Variants in PNPLA2 observed in about 807,000 individuals in gnomAD.
PNPLA2 encodes the protein patatin like domain 2, triacylglycerol lipase.
PNPLA2 carries 28 observed loss-of-function variants against 39.7 expected under a neutral mutation model. The observed-to-expected ratio is 0.70, with a 90% CI of 0.52 to 0.97. The LOEUF (loss-of-function observed/expected upper bound fraction) is 0.97, where lower values mean the gene tolerates loss of function less well. Among genes scored for constraint, PNPLA2 ranks in the 50% least tolerant of loss-of-function variants. The probability of loss-of-function intolerance (pLI) is 0.00; values close to 1 mark genes in which losing one functional copy is unlikely to be tolerated. For synonymous variants in PNPLA2, 392 were observed against 321.1 expected (o/e 1.22, Z -2.36); for missense variants, 768 against 698.2 (o/e 1.10, Z -1.13).
At position 822,604 on chromosome 11, in the gene PNPLA2, C is replaced by A. The variant is rs767324916; in HGVS notation, c.694C>A (p.Leu232Met). ...LSKALFPPEP[L>M]VLREMCKQGY... ...CAAGGCCCTCTTCCCGCCGGAGCCC[C>A]TGGTGAGCTCTGCTCCGAGGACTGT... The change falls in exon 5 of 10, where the codon CTG (leucine) becomes ATG (methionine). Residue 232 changes from leucine (L) to methionine (M), a missense_variant and splice_region_variant. Leu to Met is a conservative substitution (Grantham distance 15). Transcript: ENST00000336615. 4 of 1,612,322 alleles carry A rather than the reference C, an allele frequency of 2.5e-6. No homozygotes were observed. The highest frequency in any genetic ancestry group is 1.3e-5 in the African/African-American group (1 of 74,906).
chr11:819,601 C>A lies in PNPLA2; in HGVS notation c.-118C>A, dbSNP rs769594766. On this transcript the variant is annotated 5_prime_UTR_variant, in exon 2 of 10. Transcript: ENST00000336615. Reference sequence around the variant, plus strand: ...TCTTCGCCTCCGCCAGCGGGGACCCCGAGCTAGAGCCGCAGCGGGACCTGC... The same window carrying A: ...TCTTCGCCTCCGCCAGCGGGGACCCAGAGCTAGAGCCGCAGCGGGACCTGC... The A allele has an allele frequency of 3.4e-5, 44 of 1,279,544 alleles. No homozygotes were observed. The highest frequency in any genetic ancestry group is 9.9e-5 in the South Asian group (5 of 50,408). 79.3% of individuals were successfully genotyped at this position (1,279,544 alleles called of 1,614,324 possible).
rs764477915 is a variant in PNPLA2 at position 823,756 on chromosome 11, G to A, written c.820G>A (p.Asp274Asn). The A allele has an allele frequency of 2.5e-6, 4 of 1,608,836 alleles. No homozygotes were observed. The South Asian group carries it at 4.4e-5, about 18-fold the overall frequency. ...CCCCGCCCGCCCCCACGGCCCAGAG[G>A]ACAAGGACCAGGCAGTGGAGAGCGC... ...LPPARPHGPE[D>N]KDQAVESAQA... Residue 274 changes from aspartate to asparagine, a missense_variant, in exon 7 of 10, where the codon GAC (aspartate) becomes AAC (asparagine). By Grantham distance (23) the Asp-to-Asn change is conservative (BLOSUM62 1). Transcript: ENST00000336615.
chr11:822,584 C>T lies in PNPLA2; in HGVS notation c.674C>T (p.Ala225Val). Reference protein sequence around the residue: ...NLRNLYRLSKALFPPEPLVLR... With the variant: ...NLRNLYRLSKVLFPPEPLVLR... ...CGCAACCTCTACCGCCTCTCCAAGGCCCTCTTCCCGCCGGAGCCCCTGGTG... is the reference window on the plus strand; with the variant it reads ...CGCAACCTCTACCGCCTCTCCAAGGTCCTCTTCCCGCCGGAGCCCCTGGTG... The change falls in exon 5 of 10, where the codon GCC (alanine) becomes GTC (valine). Residue 225 changes from alanine to valine, a missense_variant. Ala to Val is a moderately conservative substitution (Grantham distance 64, BLOSUM62 0). Coordinates refer to ENST00000336615, the MANE Select transcript of PNPLA2 (RefSeq NM_020376.4). 6.2e-7 allele frequency: 1 copy of T among 1,613,742 alleles called. No individual in the cohort carries two copies. Among genetic ancestry groups the T allele is most frequent in the Non-Finnish European group, 8.5e-7 (1 of 1,179,942 alleles).
rs1305293273 is a variant in PNPLA2, at chr11:825,457, C to T, written c.*595C>T. 1.3e-5 allele frequency: 2 copies of T among 151,030 alleles called. No homozygotes were observed. Among genetic ancestry groups the T allele is most frequent in the African/African-American group, 4.9e-5 (2 of 41,038 alleles). 9.4% of individuals were successfully genotyped at this position (151,030 alleles called of 1,614,324 possible). On this transcript the variant is annotated 3_prime_UTR_variant, in exon 10 of 10. Coordinates refer to ENST00000336615, the MANE Select transcript of PNPLA2 (RefSeq NM_020376.4). ...CCCCCTGTCTAGGATGCATCCACAC[C>T]CCCCCCAATTTTGCCCAGCAGCCTC... is the stretch of plus-strand genomic sequence containing the variant.
intron 2 of PNPLA2, 51 bp from the exon 3 acceptor site, chr11:821,577 G>A (rs753678494): frequency 3.9e-6 from 5 of 1,288,162 alleles, no homozygotes; most frequent in Non-Finnish European, 5.6e-6. Flanking sequence ...AGGAAGGTGG[G>A]TGTTGCTAAG....
Position 819,562 on chromosome 11 carries a change from C to G in PNPLA2, c.-145-12C>G. The G allele has an allele frequency of 1.5e-6, 2 of 1,291,498 alleles. No homozygotes were observed. The highest frequency in any genetic ancestry group is 2.0e-6 in the Non-Finnish European group (2 of 1,017,810). The allele number at this position is 1,291,498 out of a possible 1,614,324, so 80.0% of individuals were successfully genotyped here. ...CACACTTAAAAGCGCCGCCTCCGCG[C>G]CGCCCGCGTAGCTTCTTCGCCTCCG... is the stretch of plus-strand genomic sequence containing the variant. On this transcript the variant is annotated splice_polypyrimidine_tract_variant and intron_variant, in intron 1 of 9. Transcript: ENST00000336615.
intron 5 of PNPLA2, 149 bp from the exon 6 acceptor site, chr11:823,378 A>T (rs1050387662): frequency 2.1e-5 from 16 of 763,164 alleles, no homozygotes; most frequent in Non-Finnish European, 3.7e-5. Flanking sequence ...CTCCCTGTAC[A>T]GCTTTGATCT....
chr11:824,145 G>T lies in PNPLA2; in HGVS notation c.1052+15G>T. On this transcript the variant is annotated intron_variant, in intron 8 of 9. Coordinates refer to ENST00000336615, the MANE Select transcript of PNPLA2 (RefSeq NM_020376.4). ...TTCACCATCCGGTGTGAGGGCTGGG[G>T]GGTCGGGAGAGGGGCCCAGGGGACG... The T allele has an allele frequency of 6.3e-7, 1 of 1,586,984 alleles. No individual in the cohort carries two copies. The highest frequency in any genetic ancestry group is 8.6e-7 in the Non-Finnish European group (1 of 1,167,868).
At chr11:820,011 C>T (rs1007726636) in intron 2 of PNPLA2, 106 bp downstream of exon 2, 3 of 867,634 alleles carry the variant, frequency 3.5e-6, no homozygotes, top group African/African-American at 1.8e-5. Context: ...CGGTGGGTAC[C>T]GTGGGGAGGG....
intron 2 of PNPLA2, among the ~76,000 whole-genome samples, chr11:820,396 C>G (rs1845630355): frequency 6.6e-6 from 1 of 152,198 alleles, no homozygotes; most frequent in Non-Finnish European, 1.5e-5. Flanking sequence ...GGAGGAGCCC[C>G]GCTGAGGTCA....
chr11:823,597 C>A lies in PNPLA2; in HGVS notation c.757+10C>A. 1 of 1,609,202 alleles carries A rather than the reference C, an allele frequency of 6.2e-7. No homozygotes were observed. On this transcript the variant is annotated intron_variant, in intron 6 of 9. Coordinates refer to ENST00000336615, the MANE Select transcript of PNPLA2 (RefSeq NM_020376.4). ...TTTCTGCAGCGGAACGGTGCGCGGA[C>A]CCGGGCGGGAGAGGGCGGGGTGGGC...
At chr11:819,366 C>T (rs1212458176) in intron 1 of PNPLA2, 8 of 967,894 alleles carry the variant, frequency 8.3e-6, no homozygotes, top group Non-Finnish European at 9.8e-6. Context: ...TGCCCCCAGC[C>T]GTGCCCAGCA....
In PNPLA2 at chr11:819,762, G is replaced by C. The variant is rs1845606152; in HGVS notation, c.44G>C (p.Cys15Ser). The C allele has an allele frequency of 2.0e-6, 3 of 1,514,232 alleles. No homozygotes were observed. 93.8% of individuals were successfully genotyped at this position (1,514,232 alleles called of 1,614,324 possible). Residue 15 changes from cysteine (C) to serine (S), a missense_variant, in exon 2 of 10, where the codon TGC (cysteine) becomes TCC (serine). Transcript: ENST00000336615. ...ACGTGGAACATCTCGTTCGCGGGCT[G>C]CGGCTTCCTCGGCGTCTACTACGTC... ...EKTWNISFAG[C>S]GFLGVYYVGV...
chr11:822,140 C>A, intron 4 of PNPLA2, 117 bp downstream of exon 4: 1 of 957,674 alleles, frequency 1.0e-6, no homozygotes. Flanking sequence ...CTGTTACCCA[C>A]TTCCCCTGTG....
chr11:824,492 A>G (rs1845805962), intron 9 of PNPLA2, 31 bp from the exon 10 acceptor site: 1 of 1,545,154 alleles, frequency 6.5e-7, no homozygotes, highest in Non-Finnish European at 8.7e-7. Flanking sequence ...CCGGGAGCTG[A>G]AGCCCTCCCT....
chr11:825,027 G>A lies in PNPLA2; in HGVS notation c.*165G>A. The stretch of plus-strand genomic sequence containing the variant: ...GGGGAGGTTTCCACACCCCTCCCCT[G>A]GGCCGCTGAGGCCCCGCGCACCTGT... On this transcript the variant is annotated 3_prime_UTR_variant, in exon 10 of 10. Coordinates refer to ENST00000336615, the MANE Select transcript of PNPLA2 (RefSeq NM_020376.4). 1.5e-6 allele frequency: 1 copy of A among 685,894 alleles called. No homozygotes were observed. Among genetic ancestry groups the A allele is most frequent in the East Asian group, 2.7e-5 (1 of 36,434 alleles). The allele number at this position is 685,894 out of a possible 1,614,324, so 42.5% of individuals were successfully genotyped here. A position where few individuals can be genotyped will look rare whatever the true frequency, so the allele number is the denominator to read the frequency against.
At position 819,805 on chromosome 11, in the gene PNPLA2, C is replaced by G; in HGVS notation, c.87C>G (p.Leu29=). The G allele has an allele frequency of 6.6e-7, 1 of 1,505,680 alleles. No individual in the cohort carries two copies. Among genetic ancestry groups the G allele is most frequent in the South Asian group, 1.2e-5 (1 of 80,042 alleles). The allele number at this position is 1,505,680 out of a possible 1,614,324, so 93.3% of individuals were successfully genotyped here. A position where few individuals can be genotyped will look rare whatever the true frequency, so the allele number is the denominator to read the frequency against. ...ACTACGTCGGCGTGGCCTCCTGCCT[C>G]CGCGAGCACGCGCCCTTCCTGGTGG... ...GVYYVGVASC[L]REHAPFLVAN... is the part of the protein sequence containing the mutation. The change falls in exon 2 of 10, where the codon CTC becomes CTG. Residue 29 remains leucine, a synonymous_variant. Transcript: ENST00000336615.
Position 824,302 on chromosome 11 carries a change from C to T in PNPLA2, c.1053-12C>T, listed in dbSNP as rs1319109677. 4 of 1,550,570 alleles carry T rather than the reference C, an allele frequency of 2.6e-6. No individual in the cohort carries two copies. Among genetic ancestry groups the T allele is most frequent in the Non-Finnish European group, 3.5e-6 (4 of 1,147,540 alleles). On this transcript the variant is annotated splice_polypyrimidine_tract_variant and intron_variant, in intron 8 of 9. Coordinates refer to ENST00000336615, the MANE Select transcript of PNPLA2 (RefSeq NM_020376.4). Reference sequence around the variant, plus strand: ...GCCAAGTCCCTGAACGCGCCGCTCGCCCTGTCCCCAGCTTGCTGGAGTGGC... The same window carrying T: ...GCCAAGTCCCTGAACGCGCCGCTCGTCCTGTCCCCAGCTTGCTGGAGTGGC...
At chr11:819,532 A>G (rs1590173438) in intron 1 of PNPLA2, 42 bp from the exon 2 acceptor site, 1 of 1,269,556 alleles carries the variant, frequency 7.9e-7, no homozygotes, top group Admixed American at 4.3e-5. Context: ...CCCCGCCGTG[A>G]GTCCCACACT....
Sources: allele counts gnomAD v4.1 joint callset (sites outside exome capture counted in the v4.1 genomes callset), GRCh38; gene constraint gnomAD v4.1.1; transcripts MANE v1.5; gene names NCBI Gene and HGNC (gene_info 2026-07-23, HGNC 2026-07-21).